SLC35A5: variants seen among roughly 807,000 people sequenced by gnomAD.
SLC35A5 encodes UDP-sugar transporter protein SLC35A5.
Under a neutral mutation model 36.3 loss-of-function variants are expected in SLC35A5, and 28 were observed. The ratio of observed to expected loss-of-function variants is 0.77; its 90% CI spans 0.57 to 1.06. The LOEUF is 1.06. Ranked by LOEUF, SLC35A5 falls within the 50% of genes least tolerant of loss-of-function variation. The pLI is 0.00. For missense variants in SLC35A5, 521 were observed against 499.3 expected (o/e 1.04, Z -0.41); for synonymous variants, 180 against 173.7 (o/e 1.04, Z -0.29).
chr3:112,575,567 TAAC>T (rs1271997574), intron 5 of SLC35A5, among the ~76,000 whole-genome samples: 2 of 151,834 alleles, frequency 1.3e-5, no homozygotes, highest in South Asian at 2.1e-4. Flanking sequence ...ATTTTAATAA[TAAC>T]TAACACTGGT....
rs61738676 is a variant in SLC35A5 at position 112,581,205 on chromosome 3, C to T, written c.1088C>T (p.Ala363Val). 3.1e-3 allele frequency: 5,051 copies of T among 1,613,810 alleles called. 128 individuals carry two copies. In the African/African-American group the frequency reaches 0.056, roughly 18 times the overall value. Residue 363 changes from alanine (A) to valine (V), a missense_variant, in exon 6 of 7, where the codon GCC (alanine) becomes GTC (valine). Transcript: ENST00000492406. Reference sequence around the variant, plus strand: ...CCCTCCCTGGAATTTTTCTTGGAAGCCCCATCAGTCCTTCTCTCTATATTT... The same window carrying T: ...CCCTCCCTGGAATTTTTCTTGGAAGTCCCATCAGTCCTTCTCTCTATATTT... The part of the protein sequence containing the change: ...FRPSLEFFLE[A>V]PSVLLSIFIY...
intron 6 of SLC35A5, 21 bp downstream of exon 6, chr3:112,581,347 CT>C: frequency 6.4e-7 from 1 of 1,553,176 alleles, no homozygotes; most frequent in Non-Finnish European, 8.7e-7. Context: ...GAGGGTGTTC[CT>C]TTTTGCTTGT....
At chr3:112,563,589 T>C (rs1222624036) in intron 2 of SLC35A5, 56 bp downstream of exon 2, 2 of 1,482,004 alleles carry the variant, frequency 1.3e-6, no homozygotes, top group East Asian at 2.4e-5. Flanking sequence ...CACATCTCTC[T>C]CTTGCCTTTG....
chr3:112,573,173 A>G (rs778651464), intron 4 of SLC35A5, among the ~76,000 whole-genome samples: 2 of 152,170 alleles, frequency 1.3e-5, no homozygotes, highest in Non-Finnish European at 2.9e-5. Flanking sequence ...GGCAGGGTGA[A>G]GTACATCCTA....
intron 5 of SLC35A5, among the ~76,000 whole-genome samples, chr3:112,580,342 G>A (rs1161434668): frequency 1.3e-5 from 2 of 152,110 alleles, no homozygotes; most frequent in East Asian, 3.9e-4. Flanking sequence ...CAGCCTTAGG[G>A]GATAGGTGTT....
intron 4 of SLC35A5, 27 bp from the exon 5 acceptor site, chr3:112,573,862 G>A (rs1934558196): frequency 6.3e-7 from 1 of 1,590,078 alleles, no homozygotes; most frequent in Non-Finnish European, 8.6e-7. Context: ...CATTTGGATT[G>A]TAACTCTATC....
chr3:112,579,249 G>A (rs1334463816), intron 5 of SLC35A5, among the ~76,000 whole-genome samples: 1 of 152,136 alleles, frequency 6.6e-6, no homozygotes, highest in Non-Finnish European at 1.5e-5. Flanking sequence ...TTAAGTACAT[G>A]ACCTTAGGGA....
intron 4 of SLC35A5, among the ~76,000 whole-genome samples, chr3:112,571,088 TG>T (rs1267631414): frequency 3.9e-5 from 6 of 152,256 alleles, no homozygotes; most frequent in Non-Finnish European, 7.3e-5. Context: ...CCTGTTTTAA[TG>T]TAGTTTATAT....
chr3:112,570,854 T>C (rs1375381550), intron 4 of SLC35A5, among the ~76,000 whole-genome samples, 184 bp downstream of exon 4: 1 of 152,176 alleles, frequency 6.6e-6, no homozygotes, highest in South Asian at 2.1e-4. Context: ...TTCTCTTAAA[T>C]GGTCAAGATT....
intron 5 of SLC35A5, among the ~76,000 whole-genome samples, chr3:112,579,735 C>A (rs531432690): frequency 6.6e-6 from 1 of 152,280 alleles, no homozygotes; most frequent in East Asian, 1.9e-4. Flanking sequence ...ATACTGAAAT[C>A]ATTTAGTTTC....
At chr3:112,563,672 ATTAT>A (rs1267319628) in intron 2 of SLC35A5, 139 bp downstream of exon 2, 3 of 947,486 alleles carry the variant, frequency 3.2e-6, no homozygotes, top group Admixed American at 3.5e-5. Flanking sequence ...TTTAAATTTG[ATTAT>A]TTAACCTTGC....
At chr3:112,575,025 T>G (rs73229398) in intron 5 of SLC35A5, among the ~76,000 whole-genome samples, 1 of 152,150 alleles carries the variant, frequency 6.6e-6, no homozygotes, top group African/African-American at 2.4e-5. Context: ...CCAAAAACAT[T>G]TTGAAGTCTT....
rs189977204 is a variant in SLC35A5 at position 112,567,099 on chromosome 3, A to G, written c.131-2072A>G. Reference sequence around the variant, plus strand: ...AAATTAGCCGGGCGTGGTGGCGGGCACCTGTAGTCCCAGCTGCTTGGGAGG... The same window carrying G: ...AAATTAGCCGGGCGTGGTGGCGGGCGCCTGTAGTCCCAGCTGCTTGGGAGG... On this transcript the variant is annotated intron_variant, in intron 2 of 6. Coordinates refer to ENST00000492406, the MANE Select transcript of SLC35A5 (RefSeq NM_017945.5). 2.8e-3 allele frequency among the ~76,000 whole-genome samples: 428 copies of G among 151,818 alleles called. 4 individuals carry two copies. The highest frequency in any genetic ancestry group is 9.9e-3 in the African/African-American group (409 of 41,424).
chr3:112,583,697 A>T lies in SLC35A5; in HGVS notation c.*961A>T, dbSNP rs1935036361. ...TTCAAAAGGATCACTTAGCAAACAC[A>T]TGTTGACTTTTAACTGATGTATGAA... On this transcript the variant is annotated 3_prime_UTR_variant, in exon 7 of 7. Coordinates refer to ENST00000492406, the MANE Select transcript of SLC35A5 (RefSeq NM_017945.5). 6.6e-6 allele frequency: 1 copy of T among 152,148 alleles called. No homozygotes were observed. The highest frequency in any genetic ancestry group is 2.4e-5 in the African/African-American group (1 of 41,442). 9.4% of individuals were successfully genotyped at this position (152,148 alleles called of 1,614,324 possible). A position where few individuals can be genotyped will look rare whatever the true frequency, so the allele number is the denominator to read the frequency against.
intron 1 of SLC35A5, among the ~76,000 whole-genome samples, chr3:112,562,566 G>A (rs974975225): frequency 5.3e-5 from 8 of 152,068 alleles, no homozygotes; most frequent in African/African-American, 1.9e-4. Context: ...ATCAAAAGAG[G>A]GCCTTAGATT....
At chr3:112,571,999 G>A (rs1294357110) in intron 4 of SLC35A5, among the ~76,000 whole-genome samples, 3 of 142,630 alleles carry the variant, frequency 2.1e-5, no homozygotes, top group East Asian at 2.1e-4. Flanking sequence ...ACGGACTGCA[G>A]TGGCGCAATC....
At chr3:112,571,807 C>G (rs2107429497) in intron 4 of SLC35A5, among the ~76,000 whole-genome samples, 1 of 152,176 alleles carries the variant, frequency 6.6e-6, no homozygotes, top group East Asian at 1.9e-4. Flanking sequence ...ATTCAGTTAT[C>G]TCCACCTGGC....
intron 5 of SLC35A5, 84 bp from the exon 6 acceptor site, chr3:112,580,462 A>G: frequency 7.0e-7 from 1 of 1,431,688 alleles, no homozygotes; most frequent in Admixed American, 2.7e-5. Context: ...ATTCAACCAA[A>G]TACTCAAGTG....
chr3:112,574,298 T>G (rs908620626), intron 5 of SLC35A5, among the ~76,000 whole-genome samples: 1 of 152,240 alleles, frequency 6.6e-6, no homozygotes, highest in African/African-American at 2.4e-5. Flanking sequence ...AGCAAATGGT[T>G]CCTAAGATTG....
Sources: allele counts gnomAD v4.1 joint callset (sites outside exome capture counted in the v4.1 genomes callset), GRCh38; gene constraint gnomAD v4.1.1; transcripts MANE v1.5; gene names NCBI Gene and HGNC (gene_info 2026-07-23, HGNC 2026-07-21).